The following CDK7 variants were observed in gnomAD, a reference collection of about 807,000 sequenced individuals.
CDK7 encodes cyclin-dependent kinase 7.
In CDK7, 25 loss-of-function variants were observed where a neutral mutation model predicts 49.1. That is an observed-to-expected ratio of 0.51 (90% CI 0.37 to 0.71). The LOEUF (loss-of-function observed/expected upper bound fraction) is 0.71. Among genes scored for constraint, CDK7 ranks in the 30% least tolerant of loss-of-function variants. The pLI is 0.00. For synonymous variants in CDK7, 107 were observed against 140.0 expected (o/e 0.76, Z 1.67); for missense variants, 316 against 411.7 (o/e 0.77, Z 2.01).
intron 7 of CDK7, 139 bp downstream of exon 7, chr5:69,260,075 G>A (rs766350121): frequency 1.6e-4 from 100 of 615,614 alleles, no homozygotes; most frequent in Admixed American, 2.7e-4. Flanking sequence ...TTGGCCAGGC[G>A]CGGTGACTCA....
chr5:69,269,211 CT>C lies in CDK7; in HGVS notation c.638del (p.Leu213CysfsTer10). The C allele has an allele frequency of 3.1e-6, 5 of 1,598,222 alleles. No homozygotes were observed. Among genetic ancestry groups the C allele is most frequent in the Admixed American group, 3.5e-5 (2 of 56,372 alleles). ...CTCCCTCTTACTTTCTTTCAGGTTC[CT>C]TTTTTGCCAGGAGATTCAGACCTTG... ...CILAELLLRV[P>X]FLPGDSDLDQ... On this transcript the variant is annotated frameshift_variant, in exon 9 of 12. Coordinates refer to ENST00000256443, the MANE Select transcript of CDK7 (RefSeq NM_001799.4). LOFTEE classifies it high-confidence loss of function.
At chr5:69,258,571 A>G (rs1241275334) in intron 6 of CDK7, among the ~76,000 whole-genome samples, 1 of 151,742 alleles carries the variant, frequency 6.6e-6, no homozygotes, top group Non-Finnish European at 1.5e-5. Flanking sequence ...TTTAGTAGAG[A>G]CGGGGTTTCA....
chr5:69,255,416 A>G lies in CDK7; in HGVS notation c.229-44A>G, dbSNP rs762754074. 11 of 1,120,650 alleles carry G rather than the reference A, an allele frequency of 9.8e-6. No homozygotes were observed. The South Asian group carries it at 1.6e-4, about 16-fold the overall frequency. 69.4% of individuals were successfully genotyped at this position (1,120,650 alleles called of 1,614,324 possible). On this transcript the variant is annotated intron_variant, in intron 4 of 11. Transcript: ENST00000256443. ...TTGCCTCAGTTGCTATGATACTGTC[A>G]GGTATTAAATAGTGAATCACATTTT...
Position 69,262,334 on chromosome 5 carries a change from T to C in CDK7, c.627+30T>C, listed in dbSNP as rs773425713. The C allele has an allele frequency of 2.5e-6, 4 of 1,613,814 alleles. No homozygotes were observed. In the Admixed American group the frequency reaches 6.7e-5, roughly 27 times the overall value. On this transcript the variant is annotated intron_variant, in intron 8 of 11. Coordinates refer to ENST00000256443, the MANE Select transcript of CDK7 (RefSeq NM_001799.4). ...GTCTAAATTAATGTACGCACTTTAATATTGTTGTTGCAGTTATTTGTTCTG... is the reference window on the plus strand; with the variant it reads ...GTCTAAATTAATGTACGCACTTTAACATTGTTGTTGCAGTTATTTGTTCTG...
chr5:69,236,848 C>T (rs1405366271), intron 2 of CDK7, among the ~76,000 whole-genome samples: 5 of 150,720 alleles, frequency 3.3e-5, no homozygotes, highest in South Asian at 2.1e-4. Context: ...GACAGGGTTT[C>T]GCCATGTCGG....
Position 69,269,225 on chromosome 5 carries a change from G to A in CDK7, c.646G>A (p.Asp216Asn). 6.2e-7 allele frequency: 1 copy of A among 1,605,766 alleles called. No homozygotes were observed. The highest frequency in any genetic ancestry group is 8.5e-7 in the Non-Finnish European group (1 of 1,177,480). Reference protein sequence around the residue: ...LLLRVPFLPGDSDLDQLTRIF... With the variant: ...LLLRVPFLPGNSDLDQLTRIF... ...CTTTCAGGTTCCTTTTTTGCCAGGAGATTCAGACCTTGATCAGCTAACAAG... is the reference window on the plus strand; with the variant it reads ...CTTTCAGGTTCCTTTTTTGCCAGGAAATTCAGACCTTGATCAGCTAACAAG... The change falls in exon 9 of 12, where the codon GAT (aspartate) becomes AAT (asparagine). Residue 216 changes from aspartate (D) to asparagine (N), a missense_variant. Physicochemically the swap from Asp to Asn is conservative, Grantham distance 23. Transcript: ENST00000256443.
chr5:69,269,372 C>A, intron 9 of CDK7, 79 bp downstream of exon 9: 2 of 883,730 alleles, frequency 2.3e-6, no homozygotes, highest in Non-Finnish European at 3.6e-6. Flanking sequence ...TTATATAGTG[C>A]TGTCACGTGA....
intron 8 of CDK7, among the ~76,000 whole-genome samples, chr5:69,263,858 T>C (rs1300659673): frequency 6.6e-6 from 1 of 152,218 alleles, no homozygotes; most frequent in Admixed American, 6.5e-5. Context: ...AGGTTAGAGA[T>C]TGTGGACCTG....
intron 8 of CDK7, among the ~76,000 whole-genome samples, chr5:69,268,274 T>C (rs1199153031): frequency 6.6e-6 from 1 of 152,144 alleles, no homozygotes; most frequent in East Asian, 1.9e-4. Flanking sequence ...TAAATGCTTG[T>C]TTATGTGTAT....
chr5:69,261,932 T>C (rs1013309479), intron 7 of CDK7, among the ~76,000 whole-genome samples: 2 of 151,942 alleles, frequency 1.3e-5, no homozygotes, highest in African/African-American at 4.8e-5. Context: ...TTAGGGGAGG[T>C]AGGGTCCAGA....
intron 5 of CDK7, 69 bp downstream of exon 5, chr5:69,255,597 TCTACCCAAGAAGATA>T: frequency 8.7e-7 from 1 of 1,146,886 alleles, no homozygotes; most frequent in Non-Finnish European, 1.3e-6. Flanking sequence ...ATATTTGTTT[TCTACCCAAGAAGATA>T]CTGGTAGTAA....
At chr5:69,276,722 G>T in intron 11 of CDK7, 32 bp downstream of exon 11, 1 of 1,593,534 alleles carries the variant, frequency 6.3e-7, no homozygotes, top group Non-Finnish European at 8.6e-7. Context: ...GAAATTAAAT[G>T]AATTTAGAAA....
At chr5:69,269,509 A>G (rs1751387147) in intron 9 of CDK7, among the ~76,000 whole-genome samples, 1 of 152,116 alleles carries the variant, frequency 6.6e-6, no homozygotes, top group Admixed American at 6.6e-5. Context: ...CCCCCACCCC[A>G]GTAATCCTGA....
intron 7 of CDK7, among the ~76,000 whole-genome samples, 196 bp downstream of exon 7, chr5:69,260,132 G>A (rs1035022015): frequency 6.6e-6 from 1 of 152,176 alleles, no homozygotes; most frequent in African/African-American, 2.4e-5. Flanking sequence ...GCAGACCCAC[G>A]AGGTCAGGAG....
At chr5:69,266,462 G>A (rs532018690) in intron 8 of CDK7, among the ~76,000 whole-genome samples, 11 of 152,196 alleles carry the variant, frequency 7.2e-5, no homozygotes, top group East Asian at 1.9e-4. Context: ...GGTGGTGGGC[G>A]CCTGTAATCC....
At chr5:69,255,716 G>A (rs1750443398) in intron 5 of CDK7, 188 bp downstream of exon 5, 1 of 609,058 alleles carries the variant, frequency 1.6e-6, no homozygotes, top group African/African-American at 1.9e-5. Flanking sequence ...GATATCCCCA[G>A]TGTTACATAC....
chr5:69,235,962 C>T (rs925856240), intron 2 of CDK7, among the ~76,000 whole-genome samples: 12 of 152,204 alleles, frequency 7.9e-5, no homozygotes, highest in African/African-American at 2.9e-4. Flanking sequence ...TGGGTCGGGC[C>T]AGCCGCGGTG....
intron 2 of CDK7, among the ~76,000 whole-genome samples, chr5:69,236,371 T>A (rs1185148391): frequency 6.6e-6 from 1 of 152,198 alleles, no homozygotes. Flanking sequence ...TACCTGAGAC[T>A]GAGTGACTAG....
chr5:69,259,749 A>G, intron 6 of CDK7, 69 bp from the exon 7 acceptor site: 1 of 924,740 alleles, frequency 1.1e-6, no homozygotes, highest in South Asian at 1.5e-5. Context: ...AGTTATGCCA[A>G]CTAAATGTAG....
Sources: allele counts gnomAD v4.1 joint callset (sites outside exome capture counted in the v4.1 genomes callset), GRCh38; gene constraint gnomAD v4.1.1; transcripts MANE v1.5; gene names NCBI Gene and HGNC (gene_info 2026-07-23, HGNC 2026-07-21).